Variants in ZNF532 observed in about 807,000 individuals in gnomAD.
The protein encoded by ZNF532 is zinc finger protein 532.
Under a neutral mutation model 89.3 loss-of-function variants are expected in ZNF532, and 22 were observed. The ratio of observed to expected loss-of-function variants is 0.25; its 90% CI spans 0.18 to 0.35. The LOEUF is 0.35. ZNF532 is among the 10% of genes least tolerant of loss of function. The pLI is 1.00. For missense variants in ZNF532, 1,132 were observed against 1,643.4 expected (o/e 0.69, Z 5.38); for synonymous variants, 606 against 649.6 (o/e 0.93, Z 1.02).
chr18:58,884,024 C>G (rs1350933390), intron 2 of ZNF532, among the ~76,000 whole-genome samples: 3 of 141,548 alleles, frequency 2.1e-5, no homozygotes, highest in Non-Finnish European at 4.4e-5. Context: ...TCCATGTTTT[C>G]TAATGCTGGA....
intron 2 of ZNF532, among the ~76,000 whole-genome samples, chr18:58,898,342 C>A (rs1402442753): frequency 6.6e-6 from 1 of 152,172 alleles, no homozygotes; most frequent in African/African-American, 2.4e-5. Flanking sequence ...CGAGGCCTAC[C>A]TTTAATGTAT....
intron 4 of ZNF532, among the ~76,000 whole-genome samples, chr18:58,937,798 G>C (rs570172375): frequency 1.1e-4 from 17 of 152,276 alleles, no homozygotes; most frequent in African/African-American, 4.1e-4. Flanking sequence ...ATGAGTAACT[G>C]GCCCAGAGAG....
At chr18:58,942,125 C>A (rs1205032588) in intron 5 of ZNF532, among the ~76,000 whole-genome samples, 1 of 151,292 alleles carries the variant, frequency 6.6e-6, no homozygotes, top group African/African-American at 2.4e-5. Context: ...CGAGTTCAAG[C>A]CATTCTCCTG....
intron 2 of ZNF532, among the ~76,000 whole-genome samples, chr18:58,868,501 A>G (rs1447585565): frequency 6.6e-6 from 1 of 152,168 alleles, no homozygotes; most frequent in East Asian, 1.9e-4. Flanking sequence ...TACCCCTGGC[A>G]TCCACTGTCT....
intron 6 of ZNF532, among the ~76,000 whole-genome samples, chr18:58,951,586 C>T (rs1031705190): frequency 6.6e-6 from 1 of 150,656 alleles, no homozygotes; most frequent in Non-Finnish European, 1.5e-5. Context: ...TCATGTCTTG[C>T]TCCAGATTTT....
intron 2 of ZNF532, among the ~76,000 whole-genome samples, chr18:58,871,094 G>A (rs2056942021): frequency 6.6e-6 from 1 of 152,206 alleles, no homozygotes; most frequent in Admixed American, 6.5e-5. Flanking sequence ...AAACGAAGCG[G>A]CAGGGGTGGC....
At chr18:58,868,676 T>G (rs149487191) in intron 2 of ZNF532, among the ~76,000 whole-genome samples, 1 of 152,392 alleles carries the variant, frequency 6.6e-6, no homozygotes, top group East Asian at 1.9e-4. Flanking sequence ...TTTATTCATT[T>G]GCTGGGTGAA....
intron 2 of ZNF532, among the ~76,000 whole-genome samples, chr18:58,917,769 TGA>T (rs2060712422): frequency 2.0e-5 from 3 of 152,274 alleles, no homozygotes; most frequent in Middle Eastern, 3.4e-3. Context: ...CTGTGGATGC[TGA>T]TTTCTTTCTT....
chr18:58,967,789 C>T (rs2066078327), intron 7 of ZNF532, among the ~76,000 whole-genome samples: 1 of 152,174 alleles, frequency 6.6e-6, no homozygotes, highest in South Asian at 2.1e-4. Context: ...TAACTCTCAC[C>T]ACGTTTTATT....
rs1555742692 is a variant in ZNF532, at chr18:58,945,731, AT to A, written c.2706-2321del. Among the ~76,000 whole-genome samples the A allele has an allele frequency of 2.7e-3, 389 of 145,144 alleles. 1 individual carries two copies. Among genetic ancestry groups the A allele is most frequent in the Non-Finnish European group, 4.1e-3 (262 of 64,274 alleles). ...TGAGGCTATCCTTATTTATTTATTT[AT>A]TTTTTTTTTTTTTTGAGACGGAGTC... On this transcript the variant is annotated intron_variant, in intron 5 of 9. Transcript: ENST00000591808.
intron 2 of ZNF532, among the ~76,000 whole-genome samples, chr18:58,896,826 TAGAC>T (rs1200234976): frequency 2.0e-5 from 3 of 152,178 alleles, no homozygotes; most frequent in Non-Finnish European, 2.9e-5. Flanking sequence ...TCAGGGGATT[TAGAC>T]AGGAGGAAGA....
chr18:58,960,204 T>C (rs8086614), intron 7 of ZNF532, among the ~76,000 whole-genome samples: 87,428 of 152,122 alleles, frequency 0.57, 25,891 homozygotes, highest in African/African-American at 0.71. Flanking sequence ...CCACTGCGCC[T>C]GGCCTGCTTG....
At chr18:58,967,852 C>A (rs2066085276) in intron 7 of ZNF532, among the ~76,000 whole-genome samples, 1 of 152,160 alleles carries the variant, frequency 6.6e-6, no homozygotes, top group Non-Finnish European at 1.5e-5. Flanking sequence ...AGCCTTTGGC[C>A]AGAATTGCCG....
chr18:58,888,719 ATATAT>A (rs1336016352), intron 2 of ZNF532, among the ~76,000 whole-genome samples: 635 of 41,936 alleles, frequency 0.015, 15 homozygotes, highest in Middle Eastern at 0.027. Flanking sequence ...ATATATATAT[ATATAT>A]AAATTATATA....
In ZNF532 at chr18:58,880,774, C is replaced by CACA. The variant is rs1568227863; in HGVS notation, c.-18+15195_-18+15196insACA. ...TAGGCGCGCGCGCACGCGCGCGCGT[C>CACA]TGTGTGTGTGTGTGTATGTTTGGGG... On this transcript the variant is annotated intron_variant, in intron 2 of 9. Coordinates refer to ENST00000591808, the MANE Select transcript of ZNF532 (RefSeq NM_001375912.1). Among the ~76,000 whole-genome samples the CACA allele has an allele frequency of 7.4e-3, 1,048 of 142,322 alleles. 11 individuals carry two copies. The highest frequency in any genetic ancestry group is 0.027 in the African/African-American group (981 of 36,366). 93.4% of individuals were successfully genotyped at this position (142,322 alleles called of 152,430 possible). A position where few individuals can be genotyped will look rare whatever the true frequency, so the allele number is the denominator to read the frequency against.
chr18:58,941,381 AT>A (rs2063004923), intron 5 of ZNF532, among the ~76,000 whole-genome samples: 1 of 152,158 alleles, frequency 6.6e-6, no homozygotes, highest in Admixed American at 6.5e-5. Context: ...AAGGAAGCAA[AT>A]GATTAAAATA....
At chr18:58,871,146 A>G (rs916301147) in intron 2 of ZNF532, among the ~76,000 whole-genome samples, 4 of 152,332 alleles carry the variant, frequency 2.6e-5, no homozygotes, top group African/African-American at 9.6e-5. Context: ...TGGAGGGCAG[A>G]AGATTCCCAG....
chr18:58,983,907 G>A (rs554747631), intron 9 of ZNF532, 65 bp from the exon 10 acceptor site: 71 of 1,537,110 alleles, frequency 4.6e-5, no homozygotes, highest in East Asian at 1.4e-4. Flanking sequence ...TAAGAGAACC[G>A]ATCATTTATC....
At chr18:58,943,459 C>T (rs990917726) in intron 5 of ZNF532, among the ~76,000 whole-genome samples, 6 of 131,322 alleles carry the variant, frequency 4.6e-5, no homozygotes, top group African/African-American at 1.4e-4. Flanking sequence ...CGCGCCCAGC[C>T]TTTTTTTTTT....
Sources: gnomAD v4.1 joint callset for allele counts (sites outside exome capture counted in the v4.1 genomes callset) on GRCh38, gnomAD v4.1.1 for gene constraint, MANE v1.5 for transcripts, NCBI Gene and HGNC (gene_info 2026-07-23, HGNC 2026-07-21) for gene names.